The following ANKS6 variants were observed in gnomAD, a reference collection of about 807,000 sequenced individuals.
ANKS6 encodes the protein ankyrin repeat and sterile alpha motif domain containing 6.
ANKS6 carries 47 observed loss-of-function variants against 77.9 expected under a neutral mutation model. That is an observed-to-expected ratio of 0.60 (90% confidence interval 0.48 to 0.77). ANKS6 has a LOEUF of 0.77. Among genes scored for constraint, ANKS6 ranks in the 30% least tolerant of loss-of-function variants. The probability of loss-of-function intolerance (pLI) is 0.00; values close to 1 mark genes in which losing one functional copy is unlikely to be tolerated. For synonymous variants in ANKS6, 488 were observed against 501.7 expected (o/e 0.97, Z 0.37); for missense variants, 1,150 against 1,159.1 (o/e 0.99, Z 0.11).
Position 98,733,054 on chromosome 9 carries a change from C to G in ANKS6, c.*3465G>C. ...CCTGAGCTGTATACCCAGCAGGCTT[C>G]ATCACCACACCATCTCACCGACATG... On this transcript the variant is annotated 3_prime_UTR_variant, in exon 15 of 15. Transcript: ENST00000353234. The G allele has an allele frequency of 1.2e-6, 1 of 812,172 alleles. No individual in the cohort carries two copies. Among genetic ancestry groups the G allele is most frequent in the Non-Finnish European group, 1.5e-6 (1 of 668,906 alleles). 50.3% of individuals were successfully genotyped at this position (812,172 alleles called of 1,614,324 possible).
intron 9 of ANKS6, among the ~76,000 whole-genome samples, chr9:98,772,567 G>A (rs1833699616): frequency 6.6e-6 from 1 of 152,210 alleles, no homozygotes; most frequent in Non-Finnish European, 1.5e-5. Flanking sequence ...TCCTAAGGGA[G>A]AGACAGTGAC....
intron 6 of ANKS6, among the ~76,000 whole-genome samples, chr9:98,779,475 C>T (rs567401983): frequency 1.5e-4 from 23 of 152,132 alleles, no homozygotes; most frequent in Middle Eastern, 3.4e-3. Flanking sequence ...TTCTAAAATT[C>T]CCTGTACTTA....
intron 4 of ANKS6, among the ~76,000 whole-genome samples, chr9:98,782,902 G>C (rs1305730236): frequency 6.6e-6 from 1 of 152,058 alleles, no homozygotes; most frequent in Non-Finnish European, 1.5e-5. Flanking sequence ...GGGCAACATG[G>C]GGGGCCCTGT....
chr9:98,796,539 C>T lies in ANKS6; in HGVS notation c.-48G>A, dbSNP rs1835190352. 3.1e-6 allele frequency: 3 copies of T among 970,492 alleles called. No individual in the cohort carries two copies. Among genetic ancestry groups the T allele is most frequent in the African/African-American group, 1.8e-5 (1 of 56,562 alleles). The allele number at this position is 970,492 out of a possible 1,614,324, so 60.1% of individuals were successfully genotyped here. A position where few individuals can be genotyped will look rare whatever the true frequency, so the allele number is the denominator to read the frequency against. Reference sequence around the variant, plus strand: ...CTCCCGTCCGCCCCGCCGGCCGCGTCGGCTCCGCCCCCGGATACCGCCCGC... The same window carrying T: ...CTCCCGTCCGCCCCGCCGGCCGCGTTGGCTCCGCCCCCGGATACCGCCCGC... On this transcript the variant is annotated 5_prime_UTR_variant, in exon 1 of 15. Coordinates refer to ENST00000353234, the MANE Select transcript of ANKS6 (RefSeq NM_173551.5).
At chr9:98,788,549 G>A (rs1834709531) in intron 2 of ANKS6, among the ~76,000 whole-genome samples, 1 of 152,190 alleles carries the variant, frequency 6.6e-6, no homozygotes, top group Non-Finnish European at 1.5e-5. Flanking sequence ...TGTCCTAGGA[G>A]ACTGGGGCCC....
At chr9:98,778,655 G>A (rs1018711171) in intron 6 of ANKS6, among the ~76,000 whole-genome samples, 2 of 152,188 alleles carry the variant, frequency 1.3e-5, no homozygotes, top group East Asian at 3.9e-4. Context: ...ATAGCCTGGA[G>A]GTGGCAGTGA....
intron 8 of ANKS6, 123 bp downstream of exon 8, chr9:98,777,282 C>A: frequency 9.4e-7 from 1 of 1,059,242 alleles, no homozygotes; most frequent in Admixed American, 1.9e-5. Flanking sequence ...GTTACACATT[C>A]TCATCACCAA....
chr9:98,739,783 G>T lies in ANKS6; in HGVS notation c.2512-3160C>A, dbSNP rs1057212297. Among the ~76,000 whole-genome samples, 7 of 8,474 alleles carry T rather than the reference G, an allele frequency of 8.3e-4. No individual in the cohort carries two copies. The African/African-American group carries it at 0.013, about 16-fold the overall frequency. 5.6% of individuals were successfully genotyped at this position (8,474 alleles called of 152,430 possible). On this transcript the variant is annotated intron_variant, in intron 14 of 14. Transcript: ENST00000353234. Reference sequence around the variant, plus strand: ...ATTTTTTTTTTTTTTTTGAGACGGAGTCTTGCTGTCGCCCAGGCTGGAGTG... The same window carrying T: ...ATTTTTTTTTTTTTTTTGAGACGGATTCTTGCTGTCGCCCAGGCTGGAGTG...
At position 98,753,284 on chromosome 9, in the gene ANKS6, T is replaced by A. The variant is rs949772688; in HGVS notation, c.2327-2188A>T. Among the ~76,000 whole-genome samples, 29 of 152,178 alleles carry A rather than the reference T, an allele frequency of 1.9e-4. 1 individual carries two copies. Among genetic ancestry groups the A allele is most frequent in the African/African-American group, 7.0e-4 (29 of 41,452 alleles). On this transcript the variant is annotated intron_variant, in intron 12 of 14. Transcript: ENST00000353234. Reference sequence around the variant, plus strand: ...ATGAACACTGGCTGAGAGTTTTGTTTACATGAACAAGAAACATAAAAAAGA... The same window carrying A: ...ATGAACACTGGCTGAGAGTTTTGTTAACATGAACAAGAAACATAAAAAAGA...
chr9:98,751,115 A>C lies in ANKS6; in HGVS notation c.2327-19T>G, dbSNP rs1832408057. On this transcript the variant is annotated intron_variant, in intron 12 of 14. Transcript: ENST00000353234. The stretch of plus-strand genomic sequence containing the variant: ...AGTTCATCTTCAAGATGGAAAGGTG[A>C]AAAAAAAACAACACATTTTAGAATT... The C allele has an allele frequency of 6.5e-7, 1 of 1,539,264 alleles. No homozygotes were observed. Among genetic ancestry groups the C allele is most frequent in the Admixed American group, 1.9e-5 (1 of 52,394 alleles).
rs1831286855 is a variant in ANKS6, at chr9:98,733,017, TCGATG to T, written c.*3497_*3501del. 1.1e-6 allele frequency: 1 copy of T among 902,406 alleles called. No homozygotes were observed. The highest frequency in any genetic ancestry group is 1.3e-6 in the Non-Finnish European group (1 of 746,890). The allele number at this position is 902,406 out of a possible 1,614,324, so 55.9% of individuals were successfully genotyped here. ...TGCCCAGGCTGAGCCTGAGCCATCA[TCGATG>T]ACTTTCCCTGAGCTGTATACCCAGC... On this transcript the variant is annotated 3_prime_UTR_variant, in exon 15 of 15. Transcript: ENST00000353234.
rs1411183862 is a variant in ANKS6 at position 98,768,197 on chromosome 9, C to T, written c.2026G>A (p.Ala676Thr). 1 of 1,614,178 alleles carries T rather than the reference C, an allele frequency of 6.2e-7. No homozygotes were observed. The change falls in exon 11 of 15, where the codon GCC becomes ACC. Residue 676 changes from alanine to threonine, a missense_variant. Coordinates refer to ENST00000353234, the MANE Select transcript of ANKS6 (RefSeq NM_173551.5). ...CTGGGTTTCTGCTCCAATAATCCGG[C>T]TGCTTTTTTCCTCTGGGCAGCGATT... ...SQIAAQRKKA[A>T]GLLEQKPSHR...
intron 1 of ANKS6, among the ~76,000 whole-genome samples, chr9:98,794,148 CAA>C (rs375021953): frequency 4.5e-5 from 5 of 109,982 alleles, no homozygotes; most frequent in African/African-American, 7.3e-5. Flanking sequence ...GACTCCGTCT[CAA>C]AAAAAAAAAA....
In ANKS6 at chr9:98,732,254, T is replaced by C; in HGVS notation, c.*4265A>G. ...AGTACAGGTCAGCGTTATCCAAAGT[T>C]GTCCAGCCTCCGGCCTGGCCCATGT... is the stretch of plus-strand genomic sequence containing the variant. On this transcript the variant is annotated 3_prime_UTR_variant, in exon 15 of 15. Coordinates refer to ENST00000353234, the MANE Select transcript of ANKS6 (RefSeq NM_173551.5). 3 of 563,030 alleles carry C rather than the reference T, an allele frequency of 5.3e-6. No individual in the cohort carries two copies. In the South Asian group the frequency reaches 6.2e-5, roughly 12 times the overall value. The allele number at this position is 563,030 out of a possible 1,614,324, so 34.9% of individuals were successfully genotyped here.
chr9:98,740,536 T>C (rs972287155), intron 14 of ANKS6, among the ~76,000 whole-genome samples: 1 of 152,220 alleles, frequency 6.6e-6, no homozygotes, highest in Non-Finnish European at 1.5e-5. Context: ...CTGTGCAAAC[T>C]GCAGAGGGCT....
In ANKS6 at chr9:98,768,237, G is replaced by A; in HGVS notation, c.1986C>T (p.Asp662=). The A allele has an allele frequency of 1.2e-6, 2 of 1,614,066 alleles. No individual in the cohort carries two copies. Among genetic ancestry groups the A allele is most frequent in the Non-Finnish European group, 1.7e-6 (2 of 1,180,042 alleles). ...GGGCAGCGATTTGGGACAAGACATTGTCTATGCTGCCACCTGAGGAAACAC... is the reference window on the plus strand; with the variant it reads ...GGGCAGCGATTTGGGACAAGACATTATCTATGCTGCCACCTGAGGAAACAC... ...ELLNRSGGSI[D]NVLSQIAAQR... is the part of the protein sequence containing the mutation. Residue 662 remains aspartate (D), a synonymous_variant, in exon 11 of 15, where the codon GAC becomes GAT. Transcript: ENST00000353234.
At chr9:98,752,274 GA>G (rs1446988475) in intron 12 of ANKS6, among the ~76,000 whole-genome samples, 10 of 152,242 alleles carry the variant, frequency 6.6e-5, no homozygotes, top group Admixed American at 2.6e-4. Context: ...GAGCTATGCA[GA>G]TATCTGGAGT....
intron 7 of ANKS6, among the ~76,000 whole-genome samples, chr9:98,777,887 TC>T (rs1834002943): frequency 6.6e-6 from 1 of 152,186 alleles, no homozygotes; most frequent in African/African-American, 2.4e-5. Context: ...TCATTTTATT[TC>T]AAGATGCTTT....
chr9:98,740,520 G>A (rs758743045), intron 14 of ANKS6, among the ~76,000 whole-genome samples: 1 of 152,196 alleles, frequency 6.6e-6, no homozygotes, highest in East Asian at 1.9e-4. Context: ...AATGAATGGG[G>A]TGGCACTGTG....
Sources: gnomAD v4.1 joint callset for allele counts (sites outside exome capture counted in the v4.1 genomes callset) on GRCh38, gnomAD v4.1.1 for gene constraint, MANE v1.5 for transcripts, NCBI Gene and HGNC (gene_info 2026-07-23, HGNC 2026-07-21) for gene names.